CHL1: variants seen among roughly 807,000 people sequenced by gnomAD.
CHL1 encodes neural cell adhesion molecule L1-like protein.
Under a neutral mutation model 141.9 loss-of-function variants are expected in CHL1, and 96 were observed. The ratio of observed to expected loss-of-function variants is 0.68; its 90% CI spans 0.57 to 0.80. The LOEUF (loss-of-function observed/expected upper bound fraction) is 0.80. Ranked by LOEUF, CHL1 falls within the 30% of genes least tolerant of loss-of-function variation. CHL1 has a pLI of 0.00. For missense variants in CHL1, 1,820 were observed against 1,457.2 expected (o/e 1.25, Z -4.05); for synonymous variants, 613 against 502.2 (o/e 1.22, Z -2.95).
At chr3:242,670 A>ACACG (rs1278376419) in intron 1 of CHL1, among the ~76,000 whole-genome samples, 1 of 117,520 alleles carries the variant, frequency 8.5e-6, no homozygotes, top group East Asian at 2.4e-4. Flanking sequence ...CACTAAGAAC[A>ACACG]CATGCACACA....
At chr3:345,672 A>G (rs759027463) in intron 9 of CHL1, among the ~76,000 whole-genome samples, 8 of 151,882 alleles carry the variant, frequency 5.3e-5, no homozygotes, top group Non-Finnish European at 1.0e-4. Context: ...TTTAGTAGAG[A>G]CAGGGTTTCA....
At chr3:356,499 C>A (rs1283144026) in intron 11 of CHL1, among the ~76,000 whole-genome samples, 2 of 152,152 alleles carry the variant, frequency 1.3e-5, no homozygotes, top group African/African-American at 4.8e-5. Context: ...CCTTGCTCTC[C>A]TGCCATTAGA....
At chr3:205,942 C>G (rs1006807008) in intron 1 of CHL1, among the ~76,000 whole-genome samples, 2 of 152,190 alleles carry the variant, frequency 1.3e-5, no homozygotes, top group African/African-American at 4.8e-5. Flanking sequence ...GTACCAGAGT[C>G]AGAATTCAAA....
rs180840347 is a variant in CHL1 at position 216,809 on chromosome 3, C to T, written c.-175+19746C>T. ...TTTCTGGATGGCACACCCAGACTTA[C>T]TTCCTTAAGCAATGCTGATATATGG... is the stretch of plus-strand genomic sequence containing the variant. On this transcript the variant is annotated intron_variant, in intron 1 of 27. Coordinates refer to ENST00000256509, the MANE Select transcript of CHL1 (RefSeq NM_006614.4). 1.9e-3 allele frequency among the ~76,000 whole-genome samples: 288 copies of T among 152,342 alleles called. 1 individual carries two copies. Among genetic ancestry groups the T allele is most frequent in the African/African-American group, 6.6e-3 (274 of 41,580 alleles).
At chr3:298,853 T>C (rs10510164) in intron 2 of CHL1, among the ~76,000 whole-genome samples, 17,950 of 152,234 alleles carry the variant, frequency 0.12, 1,451 homozygotes, top group East Asian at 0.39. Flanking sequence ...TATAAGATGA[T>C]GAACACAAAA....
chr3:231,227 A>G (rs949390531), intron 1 of CHL1, among the ~76,000 whole-genome samples: 4 of 152,204 alleles, frequency 2.6e-5, no homozygotes, highest in African/African-American at 9.7e-5. Flanking sequence ...ACACTTTTCC[A>G]CAATACTTAT....
chr3:301,393 G>A (rs1367802360), intron 2 of CHL1, among the ~76,000 whole-genome samples: 2 of 152,188 alleles, frequency 1.3e-5, no homozygotes, highest in African/African-American at 4.8e-5. Context: ...AAACTGTTCT[G>A]TGCTGCTTAA....
chr3:351,605 C>G (rs2125209664), intron 10 of CHL1, among the ~76,000 whole-genome samples: 1 of 152,104 alleles, frequency 6.6e-6, no homozygotes, highest in East Asian at 1.9e-4. Flanking sequence ...TAAGGATTTG[C>G]CATGTGAGAA....
At chr3:333,119 G>GCT (rs1701572424) in intron 5 of CHL1, among the ~76,000 whole-genome samples, 1 of 27,262 alleles carries the variant, frequency 3.7e-5, no homozygotes, top group Non-Finnish European at 1.1e-4. Context: ...TTGGATAATT[G>GCT]CTCTATTTTT....
chr3:242,515 G>A (rs891640210), intron 1 of CHL1, among the ~76,000 whole-genome samples: 1 of 151,976 alleles, frequency 6.6e-6, no homozygotes, highest in East Asian at 1.9e-4. Flanking sequence ...AGAATGGCTT[G>A]AACCAGGGAG....
chr3:375,596 A>C (rs1706214930), intron 15 of CHL1, among the ~76,000 whole-genome samples: 1 of 151,970 alleles, frequency 6.6e-6, no homozygotes, highest in Non-Finnish European at 1.5e-5. Context: ...ACATTAAAAC[A>C]CCAACCATGA....
In CHL1 at chr3:379,360, C is replaced by T. The variant is rs534114809; in HGVS notation, c.1876+1418C>T. Reference sequence around the variant, plus strand: ...GTCGAGTCGGCTCAGTAGAATTGTACCTTTAGGCAGAATGTTTGGCCATTG... The same window carrying T: ...GTCGAGTCGGCTCAGTAGAATTGTATCTTTAGGCAGAATGTTTGGCCATTG... On this transcript the variant is annotated intron_variant, in intron 16 of 27. Coordinates refer to ENST00000256509, the MANE Select transcript of CHL1 (RefSeq NM_006614.4). Among the ~76,000 whole-genome samples the T allele has an allele frequency of 2.6e-4, 39 of 152,158 alleles. No homozygotes were observed. The South Asian group carries it at 7.9e-3, about 31-fold the overall frequency.
chr3:277,360 A>T (rs1170157426), intron 2 of CHL1, among the ~76,000 whole-genome samples: 2 of 152,232 alleles, frequency 1.3e-5, no homozygotes, highest in Non-Finnish European at 2.9e-5. Context: ...AAGAGCCAGG[A>T]ATGAGTAACT....
intron 2 of CHL1, among the ~76,000 whole-genome samples, chr3:269,956 G>C (rs1452761017): frequency 6.6e-6 from 1 of 152,164 alleles, no homozygotes; most frequent in Non-Finnish European, 1.5e-5. Context: ...AGGAAGGTGG[G>C]ATGAAGGTGG....
intron 15 of CHL1, among the ~76,000 whole-genome samples, chr3:375,966 T>C (rs918264310): frequency 6.6e-6 from 1 of 152,192 alleles, no homozygotes; most frequent in Admixed American, 6.5e-5. Context: ...ACTAGCAGAC[T>C]GGATACCGCA....
intron 1 of CHL1, among the ~76,000 whole-genome samples, chr3:226,050 C>G (rs1312966013): frequency 2.0e-5 from 3 of 151,094 alleles, no homozygotes; most frequent in Non-Finnish European, 2.9e-5. Flanking sequence ...TTGAGAGAGT[C>G]TCGTTCCGTC....
At chr3:283,173 G>A (rs1171614405) in intron 2 of CHL1, among the ~76,000 whole-genome samples, 1 of 152,132 alleles carries the variant, frequency 6.6e-6, no homozygotes, top group Non-Finnish European at 1.5e-5. Context: ...TTTGCTTTAT[G>A]CAGTACATAA....
intron 16 of CHL1, among the ~76,000 whole-genome samples, chr3:378,604 G>C (rs1706643253): frequency 6.6e-6 from 1 of 152,142 alleles, no homozygotes; most frequent in Admixed American, 6.5e-5. Flanking sequence ...CTTTGACCTA[G>C]AAAGGTTGCT....
At chr3:366,699 A>C (rs1229034479) in intron 15 of CHL1, among the ~76,000 whole-genome samples, 9 of 151,962 alleles carry the variant, frequency 5.9e-5, no homozygotes, top group Admixed American at 5.9e-4. Context: ...AAAAAAAAAA[A>C]AAACTGGAGG....
Sources: gnomAD v4.1 joint callset for allele counts (sites outside exome capture counted in the v4.1 genomes callset) on GRCh38, gnomAD v4.1.1 for gene constraint, MANE v1.5 for transcripts, NCBI Gene and HGNC (gene_info 2026-07-23, HGNC 2026-07-21) for gene names.